The following CLEC1A variants were observed in gnomAD, a reference collection of about 807,000 sequenced individuals.
CLEC1A encodes the protein C-type lectin domain family 1 member A.
Under a neutral mutation model 28.7 loss-of-function variants are expected in CLEC1A, and 34 were observed. The ratio of observed to expected loss-of-function variants is 1.18; its 90% confidence interval spans 0.90 to 1.57. The LOEUF (loss-of-function observed/expected upper bound fraction) is 1.57. Among genes scored for constraint, CLEC1A ranks in the 40% most tolerant of loss-of-function variants. CLEC1A has a pLI of 0.00. For synonymous variants in CLEC1A, 116 were observed against 121.0 expected, an observed-to-expected ratio of 0.96 and a Z score of 0.27; for missense variants, 385 against 339.5, an observed-to-expected ratio of 1.13 and a Z score of -1.05.
At chr12:10,085,087 A>C (rs1012921543) in intron 2 of CLEC1A, among the ~76,000 whole-genome samples, 9 of 152,208 alleles carry the variant, frequency 5.9e-5, no homozygotes, top group Non-Finnish European at 1.0e-4. Context: ...CTACCAAGAC[A>C]GAGCTACAAG....
At chr12:10,084,821 C>CAAAAAAAAAAAAAAAA (rs57574014) in intron 2 of CLEC1A, among the ~76,000 whole-genome samples, 215 of 83,624 alleles carry the variant, frequency 2.6e-3, no homozygotes, top group Non-Finnish European at 3.8e-3. Flanking sequence ...GACTCTGTAT[C>CAAAAAAAAAAAAAAAA]AAAAAAAAAA....
intron 2 of CLEC1A, among the ~76,000 whole-genome samples, chr12:10,083,769 G>A (rs3886137): frequency 0.78 from 119,223 of 152,150 alleles, 48,056 homozygotes; most frequent in Middle Eastern, 0.88. Context: ...CACCATGTCC[G>A]GCCTAAACAA....
In CLEC1A at chr12:10,089,108, C is replaced by A; in HGVS notation, c.214+16G>T. On this transcript the variant is annotated intron_variant, in intron 2 of 5. Coordinates refer to ENST00000315330, the MANE Select transcript of CLEC1A (RefSeq NM_016511.4). ...TTGGAACCAGGATCCTCCCCCAGGT[C>A]AGAGCGCAGACTTACACAAAAGCCC... The A allele has an allele frequency of 6.3e-7, 1 of 1,596,046 alleles. No individual in the cohort carries two copies. The highest frequency in any genetic ancestry group is 1.1e-5 in the South Asian group (1 of 90,672).
rs756784472 is a variant in CLEC1A at position 10,071,328 on chromosome 12, G to A, written c.*5C>T. ...ACTCTGCTATTTGTAGTTGCAGAGG[G>A]CGAATCAGTCACCTTCGCCTAATGT... On this transcript the variant is annotated 3_prime_UTR_variant, in exon 6 of 6. Coordinates refer to ENST00000315330, the MANE Select transcript of CLEC1A (RefSeq NM_016511.4). 1 of 1,612,176 alleles carries A rather than the reference G, an allele frequency of 6.2e-7. No individual in the cohort carries two copies. Among genetic ancestry groups the A allele is most frequent in the Non-Finnish European group, 8.5e-7 (1 of 1,179,018 alleles).
intron 5 of CLEC1A, 116 bp from the exon 6 acceptor site, chr12:10,071,629 C>A (rs535626443): frequency 2.4e-6 from 2 of 840,600 alleles, no homozygotes; most frequent in Non-Finnish European, 1.7e-6. Flanking sequence ...ATAAGTTTAC[C>A]GGGAAACTGG....
Position 10,071,357 on chromosome 12 carries a change from A to AG in CLEC1A, c.818dup (p.Glu274Ter). ...ATCAGTCACCTTCGCCTAATGTTTC[A>AG]GGGGGGACATGGAGGCTCTCTGGCT... On this transcript the variant is annotated frameshift_variant, in exon 6 of 6. Transcript: ENST00000315330. LOFTEE classifies it low-confidence loss of function (END_TRUNC). 2 of 1,613,476 alleles carry AG rather than the reference A, an allele frequency of 1.2e-6. No homozygotes were observed. Among genetic ancestry groups the AG allele is most frequent in the Non-Finnish European group, 8.5e-7 (1 of 1,179,654 alleles).
chr12:10,088,362 A>G (rs1014306242), intron 2 of CLEC1A, among the ~76,000 whole-genome samples: 4 of 152,118 alleles, frequency 2.6e-5, no homozygotes, highest in African/African-American at 9.6e-5. Context: ...AGAAGTATTA[A>G]AATTCCTATA....
chr12:10,098,070 T>A (rs1480766895), intron 1 of CLEC1A, among the ~76,000 whole-genome samples: 3 of 139,370 alleles, frequency 2.2e-5, no homozygotes, highest in Non-Finnish European at 1.6e-5. Flanking sequence ...TTTTTTTTTT[T>A]AAAGGTATAT....
chr12:10,093,053 T>A (rs934646134), intron 1 of CLEC1A, among the ~76,000 whole-genome samples: 1 of 152,032 alleles, frequency 6.6e-6, no homozygotes, highest in Non-Finnish European at 1.5e-5. Context: ...AAACTGAAAG[T>A]TTCACTTTTT....
At chr12:10,075,230 G>A (rs1317596396) in intron 4 of CLEC1A, among the ~76,000 whole-genome samples, 1 of 152,150 alleles carries the variant, frequency 6.6e-6, no homozygotes, top group Non-Finnish European at 1.5e-5. Context: ...ATCAAAACAG[G>A]AAAGAAGTTA....
At chr12:10,092,339 C>T in intron 1 of CLEC1A, 1 of 272,968 alleles carries the variant, frequency 3.7e-6, no homozygotes, top group Non-Finnish European at 7.4e-6. Context: ...AGTGAGATCC[C>T]ATCTCTACAA....
intron 1 of CLEC1A, among the ~76,000 whole-genome samples, chr12:10,089,895 C>A (rs1003026878): frequency 1.3e-5 from 2 of 152,040 alleles, no homozygotes; most frequent in Non-Finnish European, 2.9e-5. Context: ...ATTTTTGCAA[C>A]AGTTAAATAA....
intron 5 of CLEC1A, 40 bp from the exon 6 acceptor site, chr12:10,071,553 T>C (rs1866135411): frequency 1.4e-6 from 2 of 1,465,574 alleles, no homozygotes; most frequent in African/African-American, 1.4e-5. Flanking sequence ...TCACGGTTTA[T>C]TTCTAAAATA....
chr12:10,074,147 C>T (rs1277019268), intron 4 of CLEC1A, among the ~76,000 whole-genome samples: 1 of 151,944 alleles, frequency 6.6e-6, no homozygotes, highest in Non-Finnish European at 1.5e-5. Context: ...CTCAACCTCC[C>T]CAGGCTCAGT....
intron 2 of CLEC1A, among the ~76,000 whole-genome samples, chr12:10,086,246 C>T (rs10772233): frequency 0.47 from 71,612 of 151,230 alleles, 20,446 homozygotes; most frequent in Middle Eastern, 0.73. Context: ...TCTGAAAAAC[C>T]ACAAATAGAC....
At chr12:10,089,861 A>G (rs1184831380) in intron 1 of CLEC1A, among the ~76,000 whole-genome samples, 1 of 152,198 alleles carries the variant, frequency 6.6e-6, no homozygotes, top group Non-Finnish European at 1.5e-5. Context: ...ATGATAATCA[A>G]TTTCAGAAAG....
At chr12:10,084,820 T>TGAAAA (rs1565604308) in intron 2 of CLEC1A, among the ~76,000 whole-genome samples, 1 of 9,606 alleles carries the variant, frequency 1.0e-4, no homozygotes, top group Non-Finnish European at 3.2e-4. Flanking sequence ...AGACTCTGTA[T>TGAAAA]CAAAAAAAAA....
chr12:10,073,485 G>T, intron 4 of CLEC1A, 74 bp from the exon 5 acceptor site: 3 of 1,059,822 alleles, frequency 2.8e-6, no homozygotes, highest in Non-Finnish European at 4.3e-6. Context: ...GCATGGGCCA[G>T]CCAGCACTTT....
intron 3 of CLEC1A, 53 bp from the exon 4 acceptor site, chr12:10,075,708 C>T: frequency 3.3e-6 from 5 of 1,524,942 alleles, no homozygotes; most frequent in Non-Finnish European, 3.6e-6. Flanking sequence ...TGTCTTGCTC[C>T]TCTCTTGAAA....
Sources: gnomAD v4.1 joint callset for allele counts (sites outside exome capture counted in the v4.1 genomes callset) on GRCh38, gnomAD v4.1.1 for gene constraint, MANE v1.5 for transcripts, NCBI Gene and HGNC (gene_info 2026-07-23, HGNC 2026-07-21) for gene names.